The following FMNL2 variants were observed in gnomAD, a reference collection of about 807,000 sequenced individuals.
FMNL2 encodes the protein formin-like protein 2.
A neutral mutation model predicts 130.2 loss-of-function variants in FMNL2; 51 were observed. The observed-to-expected ratio is 0.39, with a 90% CI of 0.31 to 0.49. The LOEUF is 0.49. FMNL2 is among the 20% of genes least tolerant of loss of function. FMNL2 has a pLI of 0.85. For missense variants in FMNL2, 977 were observed against 1,316.2 expected, an observed-to-expected ratio of 0.74 and a Z score of 3.99; for synonymous variants, 465 against 467.1, an observed-to-expected ratio of 1.00 and a Z score of 0.06.
chr2:152,339,288 C>G (rs1273080796), intron 1 of FMNL2, among the ~76,000 whole-genome samples: 1 of 152,108 alleles, frequency 6.6e-6, no homozygotes, highest in East Asian at 1.9e-4. Context: ...CCCAGGGAAG[C>G]CAAAAGATTG....
chr2:152,394,270 T>A (rs1685277472), intron 1 of FMNL2, among the ~76,000 whole-genome samples: 1 of 152,170 alleles, frequency 6.6e-6, no homozygotes, highest in Non-Finnish European at 1.5e-5. Context: ...TTTTAAAGAA[T>A]TCGCTTTTAT....
At chr2:152,336,132 C>T (rs1297539400) in intron 1 of FMNL2, among the ~76,000 whole-genome samples, 1 of 151,474 alleles carries the variant, frequency 6.6e-6, no homozygotes, top group Non-Finnish European at 1.5e-5. Flanking sequence ...CACCCTGAGC[C>T]CCTGCGGACC....
At chr2:152,449,705 G>T (rs1688528185) in intron 1 of FMNL2, among the ~76,000 whole-genome samples, 2 of 152,156 alleles carry the variant, frequency 1.3e-5, no homozygotes, top group South Asian at 4.1e-4. Context: ...TAATGTAAGA[G>T]TTACGGCTTT....
At position 152,349,025 on chromosome 2, in the gene FMNL2, C is replaced by T. The variant is rs991658952; in HGVS notation, c.117+13305C>T. On this transcript the variant is annotated intron_variant, in intron 1 of 25. Transcript: ENST00000288670. ...AATTTTTTGTATTTTTTAGTAGAGACGGGGTTTCACCTTGTTAGCCAGGAT... is the reference window on the plus strand; with the variant it reads ...AATTTTTTGTATTTTTTAGTAGAGATGGGGTTTCACCTTGTTAGCCAGGAT... 9.8e-5 allele frequency among the ~76,000 whole-genome samples: 13 copies of T among 132,490 alleles called. 1 individual carries two copies. Among genetic ancestry groups the T allele is most frequent in the East Asian group, 4.0e-4 (2 of 4,950 alleles). The allele number at this position is 132,490 out of a possible 152,430, so 86.9% of individuals were successfully genotyped here. A position where few individuals can be genotyped will look rare whatever the true frequency, so the allele number is the denominator to read the frequency against.
chr2:152,642,714 T>TTG (rs1416939264), intron 25 of FMNL2, among the ~76,000 whole-genome samples: 1 of 152,168 alleles, frequency 6.6e-6, no homozygotes, highest in Non-Finnish European at 1.5e-5. Flanking sequence ...CATTAAGAAC[T>TTG]TGGAGTTCCT....
chr2:152,371,406 C>T (rs1011058507), intron 1 of FMNL2, among the ~76,000 whole-genome samples: 1 of 152,070 alleles, frequency 6.6e-6, no homozygotes, highest in Non-Finnish European at 1.5e-5. Flanking sequence ...CGCGGTGGCT[C>T]ATGCCTGTAA....
Position 152,647,950 on chromosome 2 carries a change from C to T in FMNL2, c.*45C>T. ...GAATACAGGGTGTGCGTGAATGAAACTGCCCACATGAACTTTATGTGCTAC... is the reference window on the plus strand; with the variant it reads ...GAATACAGGGTGTGCGTGAATGAAATTGCCCACATGAACTTTATGTGCTAC... On this transcript the variant is annotated 3_prime_UTR_variant, in exon 26 of 26. Transcript: ENST00000288670. 1 of 1,468,132 alleles carries T rather than the reference C, an allele frequency of 6.8e-7. No homozygotes were observed. Among genetic ancestry groups the T allele is most frequent in the African/African-American group, 1.4e-5 (1 of 71,034 alleles). 90.9% of individuals were successfully genotyped at this position (1,468,132 alleles called of 1,614,324 possible). A position where few individuals can be genotyped will look rare whatever the true frequency, so the allele number is the denominator to read the frequency against.
intron 1 of FMNL2, among the ~76,000 whole-genome samples, chr2:152,403,484 T>C (rs542655723): frequency 6.6e-6 from 1 of 152,356 alleles, no homozygotes; most frequent in African/African-American, 2.4e-5. Context: ...TGCTTTATTT[T>C]GTTTGAATCG....
intron 1 of FMNL2, among the ~76,000 whole-genome samples, chr2:152,338,317 T>G (rs978610815): frequency 6.6e-6 from 1 of 152,172 alleles, no homozygotes; most frequent in Non-Finnish European, 1.5e-5. Flanking sequence ...ATGGCTAACA[T>G]CAATAATTAA....
chr2:152,416,551 G>A (rs1367906439), intron 1 of FMNL2, among the ~76,000 whole-genome samples: 1 of 152,158 alleles, frequency 6.6e-6, no homozygotes, highest in Non-Finnish European at 1.5e-5. Context: ...TGAAGTAAAA[G>A]ACCAAAGCTA....
At chr2:152,361,562 C>T (rs1276166569) in intron 1 of FMNL2, among the ~76,000 whole-genome samples, 1 of 152,180 alleles carries the variant, frequency 6.6e-6, no homozygotes, top group Non-Finnish European at 1.5e-5. Flanking sequence ...TAGGTGTCTA[C>T]ATTTTACATG....
intron 4 of FMNL2, among the ~76,000 whole-genome samples, chr2:152,555,668 A>C (rs993887694): frequency 3.9e-5 from 6 of 152,216 alleles, no homozygotes; most frequent in African/African-American, 1.4e-4. Flanking sequence ...TGTCTTTTCC[A>C]GCTCCTAAGC....
At chr2:152,570,812 AG>A (rs1226119721) in intron 6 of FMNL2, among the ~76,000 whole-genome samples, 3 of 151,886 alleles carry the variant, frequency 2.0e-5, no homozygotes, top group Non-Finnish European at 2.9e-5. Flanking sequence ...CAGAATGAAT[AG>A]GTCTCTAAAT....
At chr2:152,522,301 T>C (rs1693138802) in intron 2 of FMNL2, among the ~76,000 whole-genome samples, 1 of 152,150 alleles carries the variant, frequency 6.6e-6, no homozygotes, top group African/African-American at 2.4e-5. Context: ...TTATTGTTGA[T>C]TTTGTTTGAT....
At chr2:152,561,778 A>G (rs188223745) in intron 6 of FMNL2, among the ~76,000 whole-genome samples, 2 of 152,134 alleles carry the variant, frequency 1.3e-5, no homozygotes, top group Admixed American at 1.3e-4. Flanking sequence ...GGGTTTCACA[A>G]TGTTGGCCAG....
chr2:152,438,473 A>T (rs1687890235), intron 1 of FMNL2, among the ~76,000 whole-genome samples: 1 of 152,240 alleles, frequency 6.6e-6, no homozygotes, highest in Admixed American at 6.5e-5. Flanking sequence ...TAATGCAGAA[A>T]TACAGGACCA....
At chr2:152,470,560 A>T (rs1689800727) in intron 1 of FMNL2, among the ~76,000 whole-genome samples, 1 of 152,230 alleles carries the variant, frequency 6.6e-6, no homozygotes, top group Admixed American at 6.5e-5. Context: ...GACATTAGAT[A>T]TTATACCCTA....
intron 1 of FMNL2, among the ~76,000 whole-genome samples, chr2:152,425,970 T>C (rs1481193302): frequency 6.6e-6 from 1 of 152,212 alleles, no homozygotes; most frequent in East Asian, 1.9e-4. Context: ...TTCTCTGACC[T>C]GGTAGGTTGA....
intron 2 of FMNL2, among the ~76,000 whole-genome samples, chr2:152,535,716 G>A (rs1286710737): frequency 6.6e-6 from 1 of 152,134 alleles, no homozygotes; most frequent in East Asian, 1.9e-4. Context: ...ATGACCACTG[G>A]GATCCCTCTA....
Sources: gnomAD v4.1 joint callset for allele counts (sites outside exome capture counted in the v4.1 genomes callset) on GRCh38, gnomAD v4.1.1 for gene constraint, MANE v1.5 for transcripts, NCBI Gene and HGNC (gene_info 2026-07-23, HGNC 2026-07-21) for gene names.